Variants in CDHR3 observed in about 807,000 individuals in gnomAD.
CDHR3 encodes cadherin-related family member 3.
A neutral mutation model predicts 86.6 loss-of-function variants in CDHR3; 79 were observed. The observed-to-expected ratio is 0.91, with a 90% CI of 0.76 to 1.10. The LOEUF (loss-of-function observed/expected upper bound fraction) is 1.10. CDHR3 is among the 50% of genes least tolerant of loss of function. CDHR3 has a pLI of 0.00. For synonymous variants in CDHR3, 421 were observed against 402.4 expected (o/e 1.05, Z -0.55); for missense variants, 1,081 against 1,077.6 (o/e 1.00, Z -0.04).
chr7:105,963,273 G>T lies in CDHR3; in HGVS notation c.-46G>T. 1 of 1,600,186 alleles carries T rather than the reference G, an allele frequency of 6.2e-7. No homozygotes were observed. The highest frequency in any genetic ancestry group is 1.1e-5 in the South Asian group (1 of 90,530). The stretch of plus-strand genomic sequence containing the variant: ...ACTTTGGGTGTGAGACGGGATTCAG[G>T]CTGTGGCTAATGTGCTGGAAGCACG... On this transcript the variant is annotated 5_prime_UTR_variant, in exon 1 of 19. Transcript: ENST00000317716.
chr7:106,015,286 T>C (rs1835426976), intron 10 of CDHR3, 73 bp downstream of exon 10: 3 of 1,313,114 alleles, frequency 2.3e-6, no homozygotes, highest in Non-Finnish European at 3.2e-6. Flanking sequence ...TGGGCAATAC[T>C]AGGTATTGTG....
At chr7:106,022,030 T>C (rs1467285072) in intron 13 of CDHR3, among the ~76,000 whole-genome samples, 168 bp from the exon 14 acceptor site, 2 of 152,202 alleles carry the variant, frequency 1.3e-5, no homozygotes, top group African/African-American at 4.8e-5. Context: ...TCTGGTGCAG[T>C]TAAAGCCTGT....
intron 8 of CDHR3, among the ~76,000 whole-genome samples, chr7:106,012,090 C>T (rs968218064): frequency 6.6e-6 from 1 of 152,188 alleles, no homozygotes; most frequent in Non-Finnish European, 1.5e-5. Context: ...TTCTTCACTA[C>T]TGTGCTAGTC....
At position 106,020,516 on chromosome 7, in the gene CDHR3, C is replaced by T; in HGVS notation, c.1797C>T (p.Pro599=). The part of the protein sequence containing the change: ...KLTCTDLDSS[P]RSFRYSIGPG... ...CATGTACCGACCTTGATTCCAGCCC[C>T]AGATCTTTCCGTTATTCCATTGGCC... Residue 599 remains proline (P), a synonymous_variant, in exon 13 of 19, where the codon CCC becomes CCT. Coordinates refer to ENST00000317716, the MANE Select transcript of CDHR3 (RefSeq NM_152750.5). The T allele has an allele frequency of 6.2e-7, 1 of 1,613,872 alleles. No homozygotes were observed. The highest frequency in any genetic ancestry group is 8.5e-7 in the Non-Finnish European group (1 of 1,179,818).
At position 106,001,561 on chromosome 7, in the gene CDHR3, C is replaced by T. The variant is rs1490285713; in HGVS notation, c.813C>T (p.His271=). Residue 271 remains histidine, a synonymous_variant, in exon 7 of 19, where the codon CAC becomes CAT. Transcript: ENST00000317716. ...CTGATGATGAAGGTTTTCCCAGCCA[C>T]CTCCTCTACAGCATTACCACTGTTA... ...EDPDDEGFPS[H]LLYSITTVSK... 67 of 1,613,884 alleles carry T rather than the reference C, an allele frequency of 4.2e-5. No homozygotes were observed. The highest frequency in any genetic ancestry group is 5.3e-5 in the Non-Finnish European group (63 of 1,179,902).
Position 106,036,290 on chromosome 7 carries a change from T to C in CDHR3, c.*3593T>C, listed in dbSNP as rs746444454. The C allele has an allele frequency of 3.9e-5, 6 of 152,212 alleles. No homozygotes were observed. Among genetic ancestry groups the C allele is most frequent in the Non-Finnish European group, 7.3e-5 (5 of 68,034 alleles). 9.4% of individuals were successfully genotyped at this position (152,212 alleles called of 1,614,324 possible). A position where few individuals can be genotyped will look rare whatever the true frequency, so the allele number is the denominator to read the frequency against. On this transcript the variant is annotated 3_prime_UTR_variant, in exon 19 of 19. Coordinates refer to ENST00000317716, the MANE Select transcript of CDHR3 (RefSeq NM_152750.5). ...TTGTTTGCCTTTTTACTTAATGTAT[T>C]TTGTAATGGCTGTGAAAATTAAGCT...
At chr7:106,021,443 G>A (rs899671867) in intron 13 of CDHR3, among the ~76,000 whole-genome samples, 1 of 152,190 alleles carries the variant, frequency 6.6e-6, no homozygotes, top group Non-Finnish European at 1.5e-5. Context: ...GGCCTTTATG[G>A]AGCATTTTGC....
intron 6 of CDHR3, among the ~76,000 whole-genome samples, chr7:106,000,698 A>G (rs187222423): frequency 1.3e-5 from 2 of 152,256 alleles, no homozygotes; most frequent in Non-Finnish European, 2.9e-5. Flanking sequence ...TATCAGTCTC[A>G]TTACTGGCCT....
At chr7:105,983,571 G>A (rs770692082) in intron 3 of CDHR3, among the ~76,000 whole-genome samples, 8 of 152,092 alleles carry the variant, frequency 5.3e-5, no homozygotes, top group African/African-American at 1.7e-4. Context: ...AAAAATGCCC[G>A]AGTGAGAGCT....
chr7:105,989,667 C>T (rs529868647), intron 4 of CDHR3, among the ~76,000 whole-genome samples: 1 of 152,118 alleles, frequency 6.6e-6, no homozygotes, highest in African/African-American at 2.4e-5. Context: ...CAGACCTGGC[C>T]CTATCAAGGG....
chr7:106,009,641 G>A (rs1247759714), intron 8 of CDHR3, among the ~76,000 whole-genome samples: 1 of 152,182 alleles, frequency 6.6e-6, no homozygotes. Context: ...GAGGAGGGCG[G>A]CGTGGAGGAG....
At chr7:106,027,671 A>AG in intron 16 of CDHR3, 1 of 455,108 alleles carries the variant, frequency 2.2e-6, no homozygotes. Context: ...AAAAAAAAAA[A>AG]AGTTTGCTTT....
chr7:106,015,865 T>C (rs1286151481), intron 10 of CDHR3, 62 bp from the exon 11 acceptor site: 1 of 1,200,902 alleles, frequency 8.3e-7, no homozygotes, highest in African/African-American at 1.5e-5. Flanking sequence ...TTTAAAGATG[T>C]TGAATAAACA....
chr7:105,980,655 T>TA (rs1485520776), intron 2 of CDHR3, among the ~76,000 whole-genome samples: 2 of 146,934 alleles, frequency 1.4e-5, no homozygotes, highest in African/African-American at 5.0e-5. Context: ...CTCTAAGTTT[T>TA]AGTGTACATG....
intron 15 of CDHR3, among the ~76,000 whole-genome samples, chr7:106,025,826 A>T (rs1837267621): frequency 6.6e-6 from 1 of 152,304 alleles, no homozygotes; most frequent in East Asian, 1.9e-4. Flanking sequence ...CATCTGCTGA[A>T]ATTAAAAAAG....
In CDHR3 at chr7:106,032,667, G is replaced by C; in HGVS notation, c.2628G>C (p.Arg876Ser). ...ACAGAAATCCAGCCTTCATGAACAGGGCTTACCCCAAACCACACCCAGGAA... is the reference window on the plus strand; with the variant it reads ...ACAGAAATCCAGCCTTCATGAACAGCGCTTACCCCAAACCACACCCAGGAA... ...PKNRNPAFMN[R>S]AYPKPHPGK The change falls in exon 19 of 19, where the codon AGG becomes AGC. Residue 876 changes from arginine (R) to serine (S), a missense_variant. By Grantham distance (110) the Arg-to-Ser change is moderately radical (BLOSUM62 -1). Transcript: ENST00000317716. 1.9e-6 allele frequency: 3 copies of C among 1,613,248 alleles called. No individual in the cohort carries two copies. Among genetic ancestry groups the C allele is most frequent in the Non-Finnish European group, 2.5e-6 (3 of 1,179,528 alleles).
At chr7:106,005,320 A>G (rs1262020415) in intron 8 of CDHR3, among the ~76,000 whole-genome samples, 2 of 152,256 alleles carry the variant, frequency 1.3e-5, no homozygotes, top group Non-Finnish European at 2.9e-5. Flanking sequence ...TTATTTTACA[A>G]TAAAGTCCCT....
At chr7:105,993,695 AAAAAAAAAAAG>A (rs1325939413) in intron 4 of CDHR3, among the ~76,000 whole-genome samples, 5 of 150,134 alleles carry the variant, frequency 3.3e-5, no homozygotes, top group African/African-American at 9.8e-5. Context: ...AAAAAAAAAA[AAAAAAAAAAAG>A]AAGAAGAAGA....
chr7:106,007,474 C>T (rs752417371), intron 8 of CDHR3, among the ~76,000 whole-genome samples: 1 of 152,200 alleles, frequency 6.6e-6, no homozygotes, highest in African/African-American at 2.4e-5. Flanking sequence ...ATCTTGAATG[C>T]TTTGCTGCTT....
Sources: gnomAD v4.1 joint callset for allele counts (sites outside exome capture counted in the v4.1 genomes callset) on GRCh38, gnomAD v4.1.1 for gene constraint, MANE v1.5 for transcripts, NCBI Gene and HGNC (gene_info 2026-07-23, HGNC 2026-07-21) for gene names.